Variants in NOL4L observed in about 807,000 individuals in gnomAD.
The protein encoded by NOL4L is nucleolar protein 4 like.
Under a neutral mutation model 64.5 loss-of-function variants are expected in NOL4L, and 7 were observed. The observed-to-expected ratio is 0.11, with a 90% CI of 0.06 to 0.20. NOL4L has a LOEUF of 0.20. Among genes scored for constraint, NOL4L ranks in the 10% least tolerant of loss-of-function variants. The probability of loss-of-function intolerance (pLI) is 1.00; values close to 1 mark genes in which losing one functional copy is unlikely to be tolerated. For synonymous variants in NOL4L, 413 were observed against 401.0 expected (o/e 1.03, Z -0.36); for missense variants, 680 against 967.1 (o/e 0.70, Z 3.94).
rs184209909 is a variant in NOL4L at position 32,460,680 on chromosome 20, C to A, written c.842-4285G>T. ...TCTCACATCATAACTCACCCACTGC[C>A]GACGCACGAGGCTCCCAGACTGCAA... On this transcript the variant is annotated intron_variant, in intron 5 of 10. Coordinates refer to ENST00000621426, the MANE Select transcript of NOL4L (RefSeq NM_001256798.2). The surrounding 1 kb of genome is among the most constrained non-coding windows in gnomAD (Gnocchi z 5.7). Among the ~76,000 whole-genome samples the A allele has an allele frequency of 6.6e-6, 1 of 152,200 alleles. No individual in the cohort carries two copies. Among genetic ancestry groups the A allele is most frequent in the East Asian group, 1.9e-4 (1 of 5,194 alleles).
chr20:32,536,324 G>A (rs2018521732), intron 1 of NOL4L: 1 of 985,246 alleles, frequency 1.0e-6, no homozygotes, highest in Non-Finnish European at 1.2e-6. Flanking sequence ...AGGCGCCCTG[G>A]GCGCGCTAAC....
At chr20:32,579,256 G>A (rs1350756828) in intron 1 of NOL4L, among the ~76,000 whole-genome samples, 3 of 152,046 alleles carry the variant, frequency 2.0e-5, no homozygotes, top group African/African-American at 7.2e-5. Context: ...CACACTCCAC[G>A]CACACACACA....
rs774078172 is a variant in NOL4L at position 32,456,289 on chromosome 20, G to A, written c.948C>T (p.Asn316=). 1.5e-5 allele frequency: 23 copies of A among 1,584,854 alleles called. No homozygotes were observed. Among genetic ancestry groups the A allele is most frequent in the Middle Eastern group, 1.7e-4 (1 of 5,976 alleles). Residue 316 remains asparagine, a synonymous_variant, in exon 6 of 11, where the codon AAC becomes AAT. Coordinates refer to ENST00000621426, the MANE Select transcript of NOL4L (RefSeq NM_001256798.2). ...TGAAGTCCATGGGGGCCACGGCGCC[G>A]TTGCCATTCATCTCGGGGAAGGCAG... ...GDPAFPEMNG[N]GAVAPMDFTT...
intron 1 of NOL4L, among the ~76,000 whole-genome samples, chr20:32,584,104 C>CT (rs1159449601): frequency 7.1e-6 from 1 of 140,462 alleles, no homozygotes; most frequent in Non-Finnish European, 1.6e-5. Flanking sequence ...CTCCCCCCCC[C>CT]CCACCCCGCG....
chr20:32,479,710 C>G (rs539166105), intron 4 of NOL4L, among the ~76,000 whole-genome samples: 1 of 152,322 alleles, frequency 6.6e-6, no homozygotes, highest in Admixed American at 6.5e-5. Flanking sequence ...GCCCACCCAG[C>G]AATCATTTAT....
intron 4 of NOL4L, among the ~76,000 whole-genome samples, chr20:32,480,629 A>G (rs1045991997): frequency 1.3e-5 from 2 of 152,176 alleles, no homozygotes; most frequent in African/African-American, 4.8e-5. Flanking sequence ...GTCAGCGAGC[A>G]TTACACACGC....
intron 1 of NOL4L, among the ~76,000 whole-genome samples, chr20:32,551,420 C>T (rs2018800763): frequency 6.6e-6 from 1 of 152,102 alleles, no homozygotes; most frequent in African/African-American, 2.4e-5. Context: ...TCATCGTGAG[C>T]ATCATCCTCA....
chr20:32,574,499 G>A (rs1979963128), intron 1 of NOL4L, among the ~76,000 whole-genome samples: 1 of 152,190 alleles, frequency 6.6e-6, no homozygotes, highest in Non-Finnish European at 1.5e-5. Flanking sequence ...GTGGAAGCCA[G>A]GGGCTCTCGG....
chr20:32,566,093 C>T (rs1035456793), intron 1 of NOL4L, among the ~76,000 whole-genome samples: 1 of 152,164 alleles, frequency 6.6e-6, no homozygotes, highest in Admixed American at 6.5e-5. Flanking sequence ...CTCCTATAAG[C>T]CAGGCCTCAG....
chr20:32,458,010 G>C (rs2013716330), intron 5 of NOL4L, among the ~76,000 whole-genome samples: 1 of 152,208 alleles, frequency 6.6e-6, no homozygotes, highest in African/African-American at 2.4e-5. Context: ...AGCCTCGTGG[G>C]TAACAGGGAA....
chr20:32,559,664 C>T (rs777514642), intron 1 of NOL4L, among the ~76,000 whole-genome samples: 5 of 152,230 alleles, frequency 3.3e-5, no homozygotes, highest in African/African-American at 1.2e-4. Flanking sequence ...GGCCCCCAGG[C>T]GCCAGGACTG....
At chr20:32,512,722 G>C (rs2017464204) in intron 3 of NOL4L, among the ~76,000 whole-genome samples, 1 of 151,842 alleles carries the variant, frequency 6.6e-6, no homozygotes, top group Non-Finnish European at 1.5e-5. Context: ...TTTTGTCATA[G>C]GTATTTTCCC....
In NOL4L at chr20:32,552,461, C is replaced by A. The variant is rs1024170047; in HGVS notation, c.322-24548G>T. ...CAACACTTTGGGAGGCCAAGGCGGG[C>A]GGATGACCTGAGGTCAGGGGTTCAA... On this transcript the variant is annotated intron_variant, in intron 1 of 10. Coordinates refer to ENST00000621426, the MANE Select transcript of NOL4L (RefSeq NM_001256798.2). Among the ~76,000 whole-genome samples, 19 of 152,028 alleles carry A rather than the reference C, an allele frequency of 1.2e-4. 1 individual carries two copies. Among genetic ancestry groups the A allele is most frequent in the Admixed American group, 9.8e-4 (15 of 15,264 alleles).
chr20:32,447,723 G>A lies in NOL4L; in HGVS notation c.1916C>T (p.Pro639Leu), dbSNP rs962060950. 1.2e-6 allele frequency: 2 copies of A among 1,608,538 alleles called. No homozygotes were observed. The highest frequency in any genetic ancestry group is 1.1e-5 in the South Asian group (1 of 90,828). Residue 639 changes from proline to leucine, a missense_variant, in exon 11 of 11, where the codon CCC (proline) becomes CTC (leucine). Physicochemically the swap from Pro to Leu is moderately conservative, Grantham distance 98. Transcript: ENST00000621426. ...PSSTSTSRPVPTAQLSPTEIS... is the reference protein window; with the variant it reads ...PSSTSTSRPVLTAQLSPTEIS... ...CTCCGTGGGGCTGAGCTGAGCGGTG[G>A]GCACGGGCCTGCTGGTGCTGGTGCT...
intron 4 of NOL4L, among the ~76,000 whole-genome samples, chr20:32,502,584 C>T (rs1213699206): frequency 3.5e-5 from 5 of 144,288 alleles, no homozygotes; most frequent in Non-Finnish European, 7.5e-5. Context: ...GAGACTCCAT[C>T]TCAAAAAAAA....
At chr20:32,459,686 C>T (rs557928581) in intron 5 of NOL4L, among the ~76,000 whole-genome samples, 4 of 152,210 alleles carry the variant, frequency 2.6e-5, no homozygotes, top group South Asian at 4.2e-4. Flanking sequence ...TGCCCAGCCT[C>T]GGCTAATTTT....
At chr20:32,570,447 C>T (rs1198841525) in intron 1 of NOL4L, among the ~76,000 whole-genome samples, 1 of 152,184 alleles carries the variant, frequency 6.6e-6, no homozygotes, top group Non-Finnish European at 1.5e-5. Context: ...AAAGGGGCAG[C>T]GGAGGAAGGC....
intron 4 of NOL4L, among the ~76,000 whole-genome samples, chr20:32,499,036 C>G (rs1339200950): frequency 6.6e-6 from 1 of 152,076 alleles, no homozygotes; most frequent in African/African-American, 2.4e-5. Flanking sequence ...CCTGCCACCA[C>G]GCCAGCTAAT....
rs117753447 is a variant in NOL4L at position 32,471,355 on chromosome 20, C to T, written c.841+3246G>A. ...ACTCATCCCGGTAGAGGCTCAGAGG[C>T]AAGCTCCCGGGGAGTGAGAGCAGAC... is the stretch of plus-strand genomic sequence containing the variant. On this transcript the variant is annotated intron_variant, in intron 5 of 10. Coordinates refer to ENST00000621426, the MANE Select transcript of NOL4L (RefSeq NM_001256798.2). 2.3e-3 allele frequency among the ~76,000 whole-genome samples: 346 copies of T among 148,120 alleles called. 10 individuals carry two copies. In the East Asian group the frequency reaches 0.065, roughly 28 times the overall value.
Sources: allele counts gnomAD v4.1 joint callset (sites outside exome capture counted in the v4.1 genomes callset), GRCh38; gene constraint gnomAD v4.1.1; non-coding constraint Gnocchi (gnomAD v3.1); transcripts MANE v1.5; gene names NCBI Gene and HGNC (gene_info 2026-07-23, HGNC 2026-07-21).